The following CACNB2 variants were observed in gnomAD, a reference collection of about 807,000 sequenced individuals.
CACNB2 encodes the protein voltage-dependent L-type calcium channel subunit beta-2.
Under a neutral mutation model 73.3 loss-of-function variants are expected in CACNB2, and 42 were observed. The observed-to-expected ratio is 0.57, with a 90% CI of 0.45 to 0.74. CACNB2 has a LOEUF of 0.74. CACNB2 is among the 30% of genes least tolerant of loss of function. CACNB2 has a pLI of 0.00. For synonymous variants in CACNB2, 348 were observed against 310.3 expected, an observed-to-expected ratio of 1.12 and a Z score of -1.28; for missense variants, 940 against 853.0, an observed-to-expected ratio of 1.10 and a Z score of -1.27.
intron 2 of CACNB2, among the ~76,000 whole-genome samples, chr10:18,286,312 C>A (rs1054106583): frequency 6.6e-6 from 1 of 151,826 alleles, no homozygotes; most frequent in Admixed American, 6.6e-5. Context: ...GTCAGGAGAT[C>A]CAGACCATCC....
intron 3 of CACNB2, among the ~76,000 whole-genome samples, chr10:18,458,291 T>C (rs1455510308): frequency 6.6e-6 from 1 of 152,204 alleles, no homozygotes; most frequent in Non-Finnish European, 1.5e-5. Flanking sequence ...ATTTGGCAAA[T>C]CAAGTATTGT....
At chr10:18,450,954 G>A (rs1367229609) in intron 3 of CACNB2, among the ~76,000 whole-genome samples, 2 of 152,058 alleles carry the variant, frequency 1.3e-5, no homozygotes, top group Non-Finnish European at 2.9e-5. Context: ...CTTTTTTTAT[G>A]AAAAGAATCA....
chr10:18,159,312 T>G (rs901272066), intron 2 of CACNB2, among the ~76,000 whole-genome samples: 1 of 152,218 alleles, frequency 6.6e-6, no homozygotes, highest in African/African-American at 2.4e-5. Context: ...CATAGGTTGC[T>G]GCGTTGCACA....
intron 2 of CACNB2, among the ~76,000 whole-genome samples, chr10:18,366,347 C>T (rs1335316601): frequency 9.9e-5 from 15 of 151,700 alleles, no homozygotes; most frequent in Non-Finnish European, 2.9e-5. Flanking sequence ...CACCTGTAAT[C>T]CTAGCTCCTC....
chr10:18,419,744 G>A (rs961012597), intron 3 of CACNB2, among the ~76,000 whole-genome samples: 1 of 152,202 alleles, frequency 6.6e-6, no homozygotes, highest in Non-Finnish European at 1.5e-5. Context: ...CAGAAAGAAA[G>A]GGGAGGAATG....
At chr10:18,487,415 C>G (rs1268764448) in intron 3 of CACNB2, among the ~76,000 whole-genome samples, 1 of 152,184 alleles carries the variant, frequency 6.6e-6, no homozygotes, top group Non-Finnish European at 1.5e-5. Flanking sequence ...ACCGAGGACT[C>G]TCTTACCCTC....
intron 2 of CACNB2, among the ~76,000 whole-genome samples, chr10:18,384,753 A>C (rs370222832): frequency 6.9e-6 from 1 of 145,510 alleles, no homozygotes; most frequent in South Asian, 2.3e-4. Flanking sequence ...CAAACAAAAA[A>C]CAAAAAAAAC....
chr10:18,422,834 G>A (rs2045398963), intron 3 of CACNB2, among the ~76,000 whole-genome samples: 1 of 152,100 alleles, frequency 6.6e-6, no homozygotes, highest in African/African-American at 2.4e-5. Context: ...AAGTAGCTGC[G>A]ATTATAGGCA....
At chr10:18,393,656 G>A (rs770624566) in intron 2 of CACNB2, among the ~76,000 whole-genome samples, 8 of 152,220 alleles carry the variant, frequency 5.3e-5, no homozygotes, top group Non-Finnish European at 8.8e-5. Context: ...GGCAGGATGA[G>A]CTGCCGACCA....
chr10:18,179,699 G>A (rs2033779709), intron 2 of CACNB2, among the ~76,000 whole-genome samples: 1 of 151,728 alleles, frequency 6.6e-6, no homozygotes, highest in Admixed American at 6.6e-5. Flanking sequence ...ATGCCTGATT[G>A]CATACCGGTT....
At chr10:18,302,236 G>C (rs1015937949) in intron 2 of CACNB2, among the ~76,000 whole-genome samples, 1 of 152,126 alleles carries the variant, frequency 6.6e-6, no homozygotes, top group Middle Eastern at 3.4e-3. Flanking sequence ...AACCTGAATA[G>C]CAGCAGTCCA....
intron 2 of CACNB2, among the ~76,000 whole-genome samples, chr10:18,329,018 G>A (rs971762345): frequency 1.3e-5 from 2 of 152,202 alleles, no homozygotes; most frequent in African/African-American, 4.8e-5. Flanking sequence ...CTCACAAGAG[G>A]CATATGCATA....
chr10:18,161,682 T>A (rs940878038), intron 2 of CACNB2, among the ~76,000 whole-genome samples: 1 of 151,840 alleles, frequency 6.6e-6, no homozygotes, highest in Admixed American at 6.6e-5. Context: ...ACAAGCAAAT[T>A]TGAGGCCCAG....
intron 2 of CACNB2, among the ~76,000 whole-genome samples, chr10:18,172,113 A>C (rs892061453): frequency 6.6e-6 from 1 of 152,222 alleles, no homozygotes; most frequent in African/African-American, 2.4e-5. Context: ...CTGTAATCCC[A>C]GCACTTTGGG....
At chr10:18,482,669 C>G (rs1161197008) in intron 3 of CACNB2, among the ~76,000 whole-genome samples, 1 of 152,052 alleles carries the variant, frequency 6.6e-6, no homozygotes, top group Non-Finnish European at 1.5e-5. Flanking sequence ...CGCCACCATG[C>G]CCAGCTAATT....
chr10:18,275,953 G>T (rs2131670345), intron 2 of CACNB2, among the ~76,000 whole-genome samples: 1 of 152,322 alleles, frequency 6.6e-6, no homozygotes, highest in African/African-American at 2.4e-5. Flanking sequence ...CACGAGAGTG[G>T]TGAAACTTTG....
At chr10:18,344,424 C>T (rs145854961) in intron 2 of CACNB2, among the ~76,000 whole-genome samples, 1 of 151,088 alleles carries the variant, frequency 6.6e-6, no homozygotes, top group African/African-American at 2.4e-5. Context: ...GGCTGGAGGG[C>T]AGTGACATGA....
chr10:18,341,235 T>C (rs2041222361), intron 2 of CACNB2, among the ~76,000 whole-genome samples: 2 of 152,158 alleles, frequency 1.3e-5, no homozygotes, highest in African/African-American at 4.8e-5. Context: ...AGAGTCCCGG[T>C]GCAGACAAAT....
intron 12 of CACNB2, 47 bp downstream of exon 12, chr10:18,536,243 C>CTTTTCTTTCTTTTTTTTT (rs1327787339): frequency 4.0e-6 from 1 of 248,580 alleles, no homozygotes; most frequent in Non-Finnish European, 6.6e-6. Flanking sequence ...GAGATCAGAC[C>CTTTTCTTTCTTTTTTTTT]TTTTTTTTTT....
Sources: gnomAD v4.1 joint callset for allele counts (sites outside exome capture counted in the v4.1 genomes callset) on GRCh38, gnomAD v4.1.1 for gene constraint, MANE v1.5 for transcripts, NCBI Gene and HGNC (gene_info 2026-07-23, HGNC 2026-07-21) for gene names.